The following LGR4 variants were observed in gnomAD, a reference collection of about 807,000 sequenced individuals.
The protein encoded by LGR4 is leucine-rich repeat-containing G protein-coupled receptor 4.
LGR4 carries 44 observed loss-of-function variants against 84.8 expected under a neutral mutation model. The ratio of observed to expected loss-of-function variants is 0.52; its 90% CI spans 0.41 to 0.67. The LOEUF (loss-of-function observed/expected upper bound fraction) is 0.67, where lower values mean the gene tolerates loss of function less well. Ranked by LOEUF, LGR4 falls within the 30% of genes least tolerant of loss-of-function variation. The pLI is 0.00. For missense variants in LGR4, 1,032 were observed against 1,131.4 expected (o/e 0.91, Z 1.26); for synonymous variants, 429 against 434.3 (o/e 0.99, Z 0.15).
intron 2 of LGR4, among the ~76,000 whole-genome samples, chr11:27,406,814 A>T (rs955170009): frequency 1.3e-5 from 2 of 152,212 alleles, no homozygotes; most frequent in Non-Finnish European, 2.9e-5. Context: ...AGAGCAACTG[A>T]GGAACTATTT....
At chr11:27,384,237 C>T (rs1863147784) in intron 6 of LGR4, 99 bp downstream of exon 6, 1 of 741,654 alleles carries the variant, frequency 1.3e-6, no homozygotes, top group Non-Finnish European at 2.3e-6. Context: ...TAATAAGGAG[C>T]TGAACTTAAG....
intron 1 of LGR4, among the ~76,000 whole-genome samples, chr11:27,415,045 A>G (rs1863789792): frequency 6.6e-6 from 1 of 152,172 alleles, no homozygotes; most frequent in Non-Finnish European, 1.5e-5. Flanking sequence ...GTCATTATTA[A>G]ATTACTAAGT....
At chr11:27,442,777 G>A (rs1170792991) in intron 1 of LGR4, among the ~76,000 whole-genome samples, 1 of 152,172 alleles carries the variant, frequency 6.6e-6, no homozygotes, top group African/African-American at 2.4e-5. Context: ...GCCGTAGAGA[G>A]AAGACAGTTA....
chr11:27,428,158 C>CT (rs1864056592), intron 1 of LGR4, among the ~76,000 whole-genome samples: 1 of 130,322 alleles, frequency 7.7e-6, no homozygotes. Flanking sequence ...TTTTCTTTTT[C>CT]TTTTTTTGAG....
chr11:27,411,287 G>A (rs1257569755), intron 2 of LGR4, among the ~76,000 whole-genome samples: 1 of 151,916 alleles, frequency 6.6e-6, no homozygotes, highest in African/African-American at 2.4e-5. Context: ...TAAAGGGGGT[G>A]GAGGTGGAAA....
At position 27,469,566 on chromosome 11, in the gene LGR4, C is replaced by T. The variant is rs1864834629; in HGVS notation, c.185+2552G>A. ...TCTTTAAAGTGAAATGCACCCCCCA[C>T]CCCTGTCCCCAGGGAAGGTGAAAGC... On this transcript the variant is annotated intron_variant, in intron 1 of 17. Transcript: ENST00000379214. Among the ~76,000 whole-genome samples, 5 of 152,148 alleles carry T rather than the reference C, an allele frequency of 3.3e-5. No individual in the cohort carries two copies. In the South Asian group the frequency reaches 1.0e-3, roughly 32 times the overall value.
At chr11:27,406,329 A>G (rs1212160809) in intron 2 of LGR4, among the ~76,000 whole-genome samples, 1 of 152,142 alleles carries the variant, frequency 6.6e-6, no homozygotes, top group Non-Finnish European at 1.5e-5. Context: ...AATTTACTAT[A>G]CATTGTCTAG....
chr11:27,437,663 G>GTC (rs1352372339), intron 1 of LGR4, among the ~76,000 whole-genome samples: 124 of 138,172 alleles, frequency 9.0e-4, no homozygotes, highest in African/African-American at 3.9e-3. Context: ...AAGGACTAGT[G>GTC]TGTGTGTGTG....
At chr11:27,436,312 C>CAAAG (rs1213928727) in intron 1 of LGR4, among the ~76,000 whole-genome samples, 1 of 111,456 alleles carries the variant, frequency 9.0e-6, no homozygotes, top group African/African-American at 3.5e-5. Context: ...CACCATAATG[C>CAAAG]AAAGAAAGAA....
intron 2 of LGR4, among the ~76,000 whole-genome samples, chr11:27,399,103 G>A (rs1863447614): frequency 6.6e-6 from 1 of 152,070 alleles, no homozygotes; most frequent in African/African-American, 2.4e-5. Context: ...AGAGACTGGG[G>A]TTTCACCAAG....
chr11:27,418,625 AT>A (rs1234208399), intron 1 of LGR4, among the ~76,000 whole-genome samples: 1 of 152,176 alleles, frequency 6.6e-6, no homozygotes, highest in Non-Finnish European at 1.5e-5. Context: ...AAAAATAAAC[AT>A]TAATTATGGC....
At chr11:27,393,846 T>C (rs1020885678) in intron 2 of LGR4, among the ~76,000 whole-genome samples, 5 of 149,916 alleles carry the variant, frequency 3.3e-5, no homozygotes, top group Non-Finnish European at 7.4e-5. Context: ...TATTTTCTCT[T>C]GAAGTGGTGT....
At position 27,412,769 on chromosome 11, in the gene LGR4, T is replaced by C. The variant is rs1240170957; in HGVS notation, c.257+20A>G. On this transcript the variant is annotated intron_variant, in intron 2 of 17. Transcript: ENST00000379214. Reference sequence around the variant, plus strand: ...TTGGGGAAAAAGACATACACACACATTTCTCAAAGTAATACTTACAGCTCT... The same window carrying C: ...TTGGGGAAAAAGACATACACACACACTTCTCAAAGTAATACTTACAGCTCT... 8 of 1,417,328 alleles carry C rather than the reference T, an allele frequency of 5.6e-6. No homozygotes were observed. Among genetic ancestry groups the C allele is most frequent in the Non-Finnish European group, 8.0e-6 (8 of 1,001,598 alleles). 87.8% of individuals were successfully genotyped at this position (1,417,328 alleles called of 1,614,324 possible). A position where few individuals can be genotyped will look rare whatever the true frequency, so the allele number is the denominator to read the frequency against.
intron 2 of LGR4, among the ~76,000 whole-genome samples, chr11:27,398,072 G>A (rs749355408): frequency 2.0e-5 from 3 of 152,218 alleles, no homozygotes; most frequent in Admixed American, 6.5e-5. Flanking sequence ...AAAGACCATG[G>A]ATTGACATTA....
At chr11:27,373,831 A>G (rs1565069647) in intron 14 of LGR4, 144 bp downstream of exon 14, 5 of 988,554 alleles carry the variant, frequency 5.1e-6, no homozygotes, top group African/African-American at 1.6e-5. Flanking sequence ...GCCGTTTAAG[A>G]AGACTTTTAC....
intron 4 of LGR4, among the ~76,000 whole-genome samples, chr11:27,390,549 T>C (rs778051274): frequency 6.6e-6 from 1 of 152,182 alleles, no homozygotes; most frequent in Non-Finnish European, 1.5e-5. Flanking sequence ...AGAGAAACTA[T>C]GCCCCAGAGT....
chr11:27,471,098 A>T lies in LGR4; in HGVS notation c.185+1020T>A, dbSNP rs960690728. 3.6e-4 allele frequency among the ~76,000 whole-genome samples: 54 copies of T among 152,112 alleles called. 1 individual carries two copies. The highest frequency in any genetic ancestry group is 1.0e-4 in the Non-Finnish European group (7 of 68,018). On this transcript the variant is annotated intron_variant, in intron 1 of 17. Coordinates refer to ENST00000379214, the MANE Select transcript of LGR4 (RefSeq NM_018490.5). ...GCCACGCAACGCAAGAAGCAATAAG[A>T]ACACAAAAACCCTACCCTGTTCCTC...
At chr11:27,390,662 T>C (rs1327923898) in intron 4 of LGR4, among the ~76,000 whole-genome samples, 2 of 152,330 alleles carry the variant, frequency 1.3e-5, no homozygotes, top group African/African-American at 2.4e-5. Flanking sequence ...GAATACTTTT[T>C]CATTTTTTCC....
chr11:27,456,603 T>TA (rs1473946331), intron 1 of LGR4, among the ~76,000 whole-genome samples: 1 of 152,150 alleles, frequency 6.6e-6, no homozygotes, highest in African/African-American at 2.4e-5. Context: ...GTGAGTCTGC[T>TA]AACAGATCTG....
Sources: allele counts gnomAD v4.1 joint callset (sites outside exome capture counted in the v4.1 genomes callset), GRCh38; gene constraint gnomAD v4.1.1; transcripts MANE v1.5; gene names NCBI Gene and HGNC (gene_info 2026-07-23, HGNC 2026-07-21).